RBM45: variants seen among roughly 807,000 people sequenced by gnomAD.
RBM45 encodes RNA binding motif protein 45.
RBM45 carries 39 observed loss-of-function variants against 58.5 expected under a neutral mutation model. That is an observed-to-expected ratio of 0.67 (90% CI 0.52 to 0.87). The LOEUF (loss-of-function observed/expected upper bound fraction) is 0.87, where lower values mean the gene tolerates loss of function less well. Among genes scored for constraint, RBM45 ranks in the 40% least tolerant of loss-of-function variants. The probability of loss-of-function intolerance (pLI) is 0.00; values close to 1 mark genes in which losing one functional copy is unlikely to be tolerated. For synonymous variants in RBM45, 193 were observed against 203.0 expected, an observed-to-expected ratio of 0.95 and a Z score of 0.42; for missense variants, 481 against 581.6, an observed-to-expected ratio of 0.83 and a Z score of 1.78.
downstream of RBM45, among the ~76,000 whole-genome samples, chr2:178,130,885 C>CA (rs1181796479): frequency 6.6e-6 from 1 of 152,176 alleles, no homozygotes; most frequent in African/African-American, 2.4e-5. Flanking sequence ...GTTGTGCCTT[C>CA]ACAGGCAAAA....
downstream of RBM45, among the ~76,000 whole-genome samples, chr2:178,131,329 G>T (rs138317115): frequency 7.2e-5 from 11 of 152,324 alleles, no homozygotes; most frequent in African/African-American, 2.6e-4. Context: ...CAGTGTAAAA[G>T]TAACAGTTAT....
At chr2:178,117,809 C>A (rs1174788600) in intron 2 of RBM45, among the ~76,000 whole-genome samples, 2 of 152,180 alleles carry the variant, frequency 1.3e-5, no homozygotes, top group Non-Finnish European at 2.9e-5. Flanking sequence ...GACTTTGGAG[C>A]TATCCAGACC....
chr2:178,116,213 G>A, intron 1 of RBM45, 49 bp from the exon 2 acceptor site: 5 of 1,516,478 alleles, frequency 3.3e-6, no homozygotes, highest in East Asian at 2.4e-5. Context: ...TTAAGAAATG[G>A]GAAAATAGTT....
chr2:178,125,409 G>T (rs2087915662), intron 8 of RBM45, among the ~76,000 whole-genome samples: 1 of 152,186 alleles, frequency 6.6e-6, no homozygotes, highest in Non-Finnish European at 1.5e-5. Flanking sequence ...TAGAAACTCT[G>T]AGAAGCCTTG....
intron 2 of RBM45, 148 bp downstream of exon 2, chr2:178,116,532 TTAAA>T: frequency 1.7e-6 from 1 of 586,090 alleles, no homozygotes; most frequent in South Asian, 5.7e-5. Context: ...AATCTACTCT[TTAAA>T]TATTAAACCT....
chr2:178,117,827 A>T (rs1559078538), intron 2 of RBM45, among the ~76,000 whole-genome samples: 1 of 152,176 alleles, frequency 6.6e-6, no homozygotes, highest in Non-Finnish European at 1.5e-5. Flanking sequence ...ACCATGTACA[A>T]ATTCTTACTC....
intron 8 of RBM45, among the ~76,000 whole-genome samples, chr2:178,124,820 G>T (rs1053086130): frequency 6.6e-6 from 1 of 151,974 alleles, no homozygotes; most frequent in African/African-American, 2.4e-5. Flanking sequence ...TTTGTTTTTT[G>T]TGTTTTTTTT....
At chr2:178,114,934 C>A (rs939477788) in intron 1 of RBM45, among the ~76,000 whole-genome samples, 5 of 152,178 alleles carry the variant, frequency 3.3e-5, no homozygotes, top group Admixed American at 2.6e-4. Flanking sequence ...TCAACTGGAA[C>A]ACTCTTGGGT....
Position 178,118,392 on chromosome 2 carries a change from C to T in RBM45, c.550+211C>T, listed in dbSNP as rs1396817733. On this transcript the variant is annotated intron_variant, in intron 3 of 9. Transcript: ENST00000286070. ...CACTATCTTGAAGAAATAAGAGCAA[C>T]TACATTAACTTAGTAAGTGAAATGC... Among the ~76,000 whole-genome samples, 3 of 152,088 alleles carry T rather than the reference C, an allele frequency of 2.0e-5. No individual in the cohort carries two copies. In the East Asian group the frequency reaches 5.8e-4, roughly 29 times the overall value.
chr2:178,130,916 A>G (rs2087999098), downstream of RBM45, among the ~76,000 whole-genome samples: 1 of 152,204 alleles, frequency 6.6e-6, no homozygotes, highest in Admixed American at 6.5e-5. Context: ...GAATTGGGCC[A>G]GGTATCTTTC....
intron 5 of RBM45, among the ~76,000 whole-genome samples, chr2:178,122,565 T>C (rs923036898): frequency 6.6e-6 from 1 of 152,194 alleles, no homozygotes; most frequent in Admixed American, 6.5e-5. Context: ...CTGGCACATT[T>C]GTTATATGCA....
intron 2 of RBM45, among the ~76,000 whole-genome samples, chr2:178,116,586 C>T (rs1437975225): frequency 6.6e-6 from 1 of 152,080 alleles, no homozygotes; most frequent in Admixed American, 6.5e-5. Flanking sequence ...TATATAAAAG[C>T]TGGAAAATAG....
chr2:178,131,168 A>G (rs1269548466), downstream of RBM45, among the ~76,000 whole-genome samples: 1 of 152,242 alleles, frequency 6.6e-6, no homozygotes, highest in African/African-American at 2.4e-5. Context: ...TTACCAAAAA[A>G]TAGGTGTGGT....
intron 5 of RBM45, among the ~76,000 whole-genome samples, chr2:178,122,463 T>C (rs979103883): frequency 6.6e-6 from 1 of 152,190 alleles, no homozygotes; most frequent in Admixed American, 6.5e-5. Flanking sequence ...CTAGTCTTTT[T>C]GTAGAACTGT....
intron 3 of RBM45, among the ~76,000 whole-genome samples, chr2:178,134,976 C>T (rs1233824342): frequency 6.6e-6 from 1 of 152,182 alleles, no homozygotes; most frequent in Non-Finnish European, 1.5e-5. Context: ...CACTGCACTC[C>T]AGCCTGGGCG....
intron 3 of RBM45, among the ~76,000 whole-genome samples, chr2:178,135,962 G>A (rs1258280564): frequency 1.3e-5 from 2 of 152,138 alleles, no homozygotes; most frequent in Non-Finnish European, 2.9e-5. Context: ...CCAGTAAGGG[G>A]TAGGATTTTA....
At chr2:178,123,416 G>A in intron 5 of RBM45, 106 bp from the exon 6 acceptor site, 2 of 1,135,642 alleles carry the variant, frequency 1.8e-6, no homozygotes, top group South Asian at 3.6e-5. Flanking sequence ...TACTAGTTGT[G>A]TGATATTAGA....
At chr2:178,115,190 T>G (rs2087755871) in intron 1 of RBM45, among the ~76,000 whole-genome samples, 1 of 152,202 alleles carries the variant, frequency 6.6e-6, no homozygotes, top group Non-Finnish European at 1.5e-5. Flanking sequence ...CTAGAGCCTA[T>G]GAACACTCAG....
At chr2:178,118,547 A>G (rs950120428) in intron 3 of RBM45, among the ~76,000 whole-genome samples, 74 of 152,278 alleles carry the variant, frequency 4.9e-4, no homozygotes, top group African/African-American at 1.8e-3. Context: ...TATTTGATCT[A>G]CATCCCAAAG....
Sources: gnomAD v4.1 joint callset for allele counts (sites outside exome capture counted in the v4.1 genomes callset) on GRCh38, gnomAD v4.1.1 for gene constraint, MANE v1.5 for transcripts, NCBI Gene and HGNC (gene_info 2026-07-23, HGNC 2026-07-21) for gene names.